ETF1: variants seen among roughly 807,000 people sequenced by gnomAD.
The protein encoded by ETF1 is eukaryotic translation termination factor 1, also known as eukaryotic peptide chain release factor subunit 1.
Under a neutral mutation model 55.1 loss-of-function variants are expected in ETF1, and 4 were observed. The ratio of observed to expected loss-of-function variants is 0.07; its 90% CI spans 0.04 to 0.17. ETF1 has a LOEUF of 0.17. ETF1 is among the 10% of genes least tolerant of loss of function. The probability of loss-of-function intolerance (pLI) is 1.00; values close to 1 mark genes in which losing one functional copy is unlikely to be tolerated. For synonymous variants in ETF1, 157 were observed against 182.3 expected (o/e 0.86, Z 1.12); for missense variants, 142 against 523.6 (o/e 0.27, Z 7.11).
chr5:138,542,887 T>C lies in ETF1; in HGVS notation c.32A>G (p.Asn11Ser). MADDPSAADR[N>S]VEIWKIKKLI... is the part of the protein sequence containing the mutation. ...CTTCTTGATCTTCCAGATCTCCACG[T>C]TCCTGTCGGCAGCACTGGGGTCGTC... is the stretch of plus-strand genomic sequence containing the variant. Residue 11 changes from asparagine to serine, a missense_variant, in exon 2 of 11, where the codon AAC becomes AGC. Asn to Ser is a conservative substitution (Grantham distance 46, BLOSUM62 1). Coordinates refer to ENST00000360541, the MANE Select transcript of ETF1 (RefSeq NM_004730.4). 1 of 1,613,682 alleles carries C rather than the reference T, an allele frequency of 6.2e-7. No homozygotes were observed. The highest frequency in any genetic ancestry group is 1.3e-5 in the African/African-American group (1 of 75,048).
At chr5:138,535,123 T>C (rs1765864914) in intron 2 of ETF1, among the ~76,000 whole-genome samples, 1 of 151,250 alleles carries the variant, frequency 6.6e-6, no homozygotes, top group African/African-American at 2.4e-5. Context: ...ACTAATTTTT[T>C]TATTTTTAGT....
In ETF1 at chr5:138,542,877, G is replaced by A. The variant is rs769037680; in HGVS notation, c.42C>T (p.Ile14=). 3 of 1,613,672 alleles carry A rather than the reference G, an allele frequency of 1.9e-6. No individual in the cohort carries two copies. The highest frequency in any genetic ancestry group is 1.1e-5 in the South Asian group (1 of 91,084). The part of the protein sequence containing the change: ...DPSAADRNVE[I]WKIKKLIKSL... ...TCTTAATGAGCTTCTTGATCTTCCA[G>A]ATCTCCACGTTCCTGTCGGCAGCAC... Residue 14 remains isoleucine, a synonymous_variant, in exon 2 of 11, where the codon ATC becomes ATT. Coordinates refer to ENST00000360541, the MANE Select transcript of ETF1 (RefSeq NM_004730.4).
chr5:138,530,281 G>T (rs548608730), intron 2 of ETF1, among the ~76,000 whole-genome samples: 2 of 152,060 alleles, frequency 1.3e-5, no homozygotes, highest in South Asian at 2.1e-4. Context: ...AAATATGAAA[G>T]ATTTTTTTTT....
chr5:138,511,683 C>T, intron 6 of ETF1, 79 bp from the exon 7 acceptor site: 2 of 1,477,856 alleles, frequency 1.4e-6, no homozygotes, highest in Non-Finnish European at 1.8e-6. Context: ...CTCAAACCCA[C>T]TAACTCTTAA....
intron 3 of ETF1, 78 bp from the exon 4 acceptor site, chr5:138,517,778 C>G (rs940367198): frequency 7.5e-7 from 1 of 1,335,004 alleles, no homozygotes; most frequent in East Asian, 2.8e-5. Context: ...GTTCCCATAG[C>G]CTATTTTCCC....
At chr5:138,512,738 T>A (rs1309441340) in intron 6 of ETF1, 26 bp downstream of exon 6, 1 of 1,559,094 alleles carries the variant, frequency 6.4e-7, no homozygotes, top group South Asian at 1.2e-5. Flanking sequence ...GGGTCTTACA[T>A]AATAAAGCAT....
chr5:138,540,128 A>T (rs1766112685), intron 2 of ETF1, among the ~76,000 whole-genome samples: 1 of 152,170 alleles, frequency 6.6e-6, no homozygotes, highest in African/African-American at 2.4e-5. Flanking sequence ...ACCACATAGG[A>T]TTATCTTAAT....
At position 138,508,365 on chromosome 5, in the gene ETF1, A is replaced by G. The variant is rs200451317; in HGVS notation, c.1254T>C (p.Asp418=). 6.2e-7 allele frequency: 1 copy of G among 1,614,088 alleles called. No homozygotes were observed. Among genetic ancestry groups the G allele is most frequent in the Non-Finnish European group, 8.5e-7 (1 of 1,180,020 alleles). The change falls in exon 11 of 11, where the codon GAT becomes GAC. Residue 418 remains aspartate (D), a synonymous_variant. Transcript: ENST00000360541. ...GIGGILRYRV[D]FQGMEYQGGD... ...CTCCTTGGTATTCCATTCCCTGGAA[A>G]TCTACTCGGTACCGCAAGATACCTG...
rs59685005 is a variant in ETF1 at position 138,514,568 on chromosome 5, C to CTT, written c.403-864_403-863dup. Reference sequence around the variant, plus strand: ...AAAACAAAAAAACTTTAACTTGTTCCTTTTTTTTTTTTTTTTGAGACAGGG... The same window carrying CTT: ...AAAACAAAAAAACTTTAACTTGTTCCTTTTTTTTTTTTTTTTTTGAGACAGGG... On this transcript the variant is annotated intron_variant, in intron 4 of 10. Coordinates refer to ENST00000360541, the MANE Select transcript of ETF1 (RefSeq NM_004730.4). Among the ~76,000 whole-genome samples the CTT allele has an allele frequency of 2.5e-3, 349 of 139,896 alleles. 5 individuals are homozygous for CTT. Among genetic ancestry groups the CTT allele is most frequent in the African/African-American group, 8.4e-3 (322 of 38,180 alleles). The allele number at this position is 139,896 out of a possible 152,430, so 91.8% of individuals were successfully genotyped here.
At chr5:138,511,367 C>A (rs1764767537) in intron 7 of ETF1, 108 bp downstream of exon 7, 15 of 1,524,382 alleles carry the variant, frequency 9.8e-6, no homozygotes, top group Non-Finnish European at 1.3e-5. Context: ...GGTACCTTGT[C>A]TCATACATAC....
intron 9 of ETF1, chr5:138,509,092 C>T: frequency 2.0e-6 from 2 of 985,260 alleles, no homozygotes; most frequent in Non-Finnish European, 2.4e-6. Flanking sequence ...ATGATTCCTA[C>T]TGTTGACTCT....
Position 138,508,315 on chromosome 5 carries a change from T to C in ETF1, c.1304A>G (p.Asp435Gly), listed in dbSNP as rs1171032303. The C allele has an allele frequency of 6.2e-7, 1 of 1,613,844 alleles. No homozygotes were observed. Among genetic ancestry groups the C allele is most frequent in the Non-Finnish European group, 8.5e-7 (1 of 1,179,978 alleles). The change falls in exon 11 of 11, where the codon GAT becomes GGT. Residue 435 changes from aspartate to glycine, a missense_variant. Asp to Gly is a moderately conservative substitution (Grantham distance 94, BLOSUM62 -1). Around this residue, in one of 5 missense-constraint regions of ETF1, gnomAD observed 82 missense variants for 232.9 expected, o/e 0.35. Coordinates refer to ENST00000360541, the MANE Select transcript of ETF1 (RefSeq NM_004730.4). ...ACCCATGTCGACTACCTAGTAGTCA[T>C]CAAGGTCAAAAAATTCATCGTCTCC... The part of the protein sequence containing the change: ...QGGDDEFFDL[D>G]DY
At chr5:138,522,098 G>GT (rs1765255698) in intron 2 of ETF1, among the ~76,000 whole-genome samples, 1 of 123,158 alleles carries the variant, frequency 8.1e-6, no homozygotes, top group African/African-American at 2.6e-5. Context: ...CCATTCTCTT[G>GT]TTTTTTGTTT....
At chr5:138,520,946 A>C in intron 2 of ETF1, among the ~76,000 whole-genome samples, 1 of 151,844 alleles carries the variant, frequency 6.6e-6, no homozygotes. Context: ...AAAAAAAAAA[A>C]TTTTTTTTTA....
chr5:138,529,927 G>A (rs1217918697), intron 2 of ETF1, among the ~76,000 whole-genome samples: 3 of 151,922 alleles, frequency 2.0e-5, no homozygotes, highest in Non-Finnish European at 4.4e-5. Flanking sequence ...TTTTATTTTC[G>A]AGATAGGATC....
At chr5:138,538,234 G>A (rs536567498) in intron 2 of ETF1, among the ~76,000 whole-genome samples, 1 of 149,880 alleles carries the variant, frequency 6.7e-6, no homozygotes, top group African/African-American at 2.5e-5. Flanking sequence ...CTGTTGCCCA[G>A]GCTGGAGTGC....
intron 2 of ETF1, 169 bp downstream of exon 2, chr5:138,542,664 C>T (rs1766233118): frequency 7.0e-7 from 1 of 1,437,798 alleles, no homozygotes; most frequent in African/African-American, 1.4e-5. Flanking sequence ...CCTTCTCGGG[C>T]CAACCGCGCC....
intron 2 of ETF1, among the ~76,000 whole-genome samples, chr5:138,537,981 C>T (rs1278172443): frequency 1.5e-5 from 2 of 135,742 alleles, no homozygotes; most frequent in African/African-American, 6.0e-5. Context: ...CAACCTCCAC[C>T]TCCCAGGTTC....
In ETF1 at chr5:138,542,954, G is replaced by T; in HGVS notation, c.-18-18C>A. The stretch of plus-strand genomic sequence containing the variant: ...CCTCCTCCCTAGAGCGGCCCGGCGG[G>T]GCCCGGAGACACCAAGACCACAGAG... On this transcript the variant is annotated intron_variant, in intron 1 of 10. Coordinates refer to ENST00000360541, the MANE Select transcript of ETF1 (RefSeq NM_004730.4). The T allele has an allele frequency of 6.2e-7, 1 of 1,610,386 alleles. No individual in the cohort carries two copies.
Sources: gnomAD v4.1 joint callset for allele counts (sites outside exome capture counted in the v4.1 genomes callset) on GRCh38, gnomAD v4.1.1 for gene constraint, gnomAD v4.1.1 regional missense constraint, MANE v1.5 for transcripts, NCBI Gene and HGNC (gene_info 2026-07-23, HGNC 2026-07-21) for gene names.